The following SEMA3D variants were observed in gnomAD, a reference collection of about 807,000 sequenced individuals.
SEMA3D encodes the protein semaphorin 3D.
In SEMA3D, 84 loss-of-function variants were observed where a neutral mutation model predicts 100.1. The observed-to-expected ratio is 0.84, with a 90% CI of 0.70 to 1.01. The LOEUF (loss-of-function observed/expected upper bound fraction) is 1.01, where lower values mean the gene tolerates loss of function less well. Among genes scored for constraint, SEMA3D ranks in the 50% least tolerant of loss-of-function variants. The pLI is 0.00. For synonymous variants in SEMA3D, 312 were observed against 320.7 expected (o/e 0.97, Z 0.29); for missense variants, 875 against 934.1 (o/e 0.94, Z 0.82).
At chr7:85,100,552 T>C (rs1788713921) in intron 3 of SEMA3D, among the ~76,000 whole-genome samples, 1 of 151,908 alleles carries the variant, frequency 6.6e-6, no homozygotes, top group Admixed American at 6.6e-5. Flanking sequence ...TATTTAAAAG[T>C]AGCCTATTAT....
At chr7:85,195,736 C>CT in the SEMA3D span, among the ~76,000 whole-genome samples, 1 of 152,092 alleles carries the variant, frequency 6.6e-6, no homozygotes, top group Non-Finnish European at 1.5e-5. Flanking sequence ...CTTCTTAACT[C>CT]TTTTTTTATG....
At chr7:85,041,642 A>C (rs1343479288) in intron 10 of SEMA3D, 3 of 152,384 alleles carry the variant, frequency 2.0e-5, no homozygotes, top group Middle Eastern at 3.2e-3. Flanking sequence ...CATTATACAT[A>C]AACAAAAAAG....
the SEMA3D span, among the ~76,000 whole-genome samples, chr7:85,192,092 C>T: frequency 1.3e-5 from 2 of 151,924 alleles, no homozygotes; most frequent in Non-Finnish European, 2.9e-5. Flanking sequence ...CTCCTTTTGC[C>T]CTACTTTACT....
At chr7:85,027,890 C>T (rs1279950513) in intron 12 of SEMA3D, 2 of 574,232 alleles carry the variant, frequency 3.5e-6, no homozygotes, top group Admixed American at 4.1e-5. Flanking sequence ...TGGGTGTTTT[C>T]CAGCAAGGAA....
intron 1 of SEMA3D, among the ~76,000 whole-genome samples, chr7:85,179,043 C>T (rs1791322150): frequency 6.6e-6 from 1 of 152,176 alleles, no homozygotes; most frequent in Non-Finnish European, 1.5e-5. Flanking sequence ...GGAAACTCTG[C>T]CTAGATTTCA....
Position 84,999,596 on chromosome 7 carries a change from G to A in SEMA3D, c.2178C>T (p.Ser726=). The change falls in exon 19 of 19, where the codon AGC becomes AGT. Residue 726 remains serine, a synonymous_variant. Transcript: ENST00000284136. ...YIQILSSPNF[S]LDQYCEQMWH... is the part of the protein sequence containing the mutation. ...ACATCTGTTCGCAGTACTGGTCGAG[G>A]CTGAAGTTTGGGCTGCTAAGGATTT... 5 of 1,614,060 alleles carry A rather than the reference G, an allele frequency of 3.1e-6. No individual in the cohort carries two copies. The highest frequency in any genetic ancestry group is 4.2e-6 in the Non-Finnish European group (5 of 1,180,024).
At chr7:85,186,287 G>C (rs1378895696) in intron 1 of SEMA3D, among the ~76,000 whole-genome samples, 1 of 152,158 alleles carries the variant, frequency 6.6e-6, no homozygotes, top group African/African-American at 2.4e-5. Flanking sequence ...ATTCATAGAC[G>C]CTCTCTGCTG....
At chr7:85,158,567 T>C (rs1790660751) in intron 1 of SEMA3D, among the ~76,000 whole-genome samples, 1 of 152,228 alleles carries the variant, frequency 6.6e-6, no homozygotes, top group Admixed American at 6.5e-5. Flanking sequence ...AATTTTGCCC[T>C]GGTCCTGTGG....
At chr7:85,120,844 G>T (rs1304002246) in intron 3 of SEMA3D, among the ~76,000 whole-genome samples, 1 of 151,900 alleles carries the variant, frequency 6.6e-6, no homozygotes, top group East Asian at 1.9e-4. Flanking sequence ...ATAAATTATT[G>T]TTTAACTCTT....
intron 1 of SEMA3D, among the ~76,000 whole-genome samples, chr7:85,154,584 T>C (rs1790527729): frequency 6.6e-6 from 1 of 152,124 alleles, no homozygotes; most frequent in Non-Finnish European, 1.5e-5. Flanking sequence ...CTTGCACAGT[T>C]TGTGACTTTT....
the SEMA3D span, among the ~76,000 whole-genome samples, chr7:85,241,423 C>G: frequency 9.2e-5 from 13 of 140,778 alleles, no homozygotes; most frequent in African/African-American, 3.6e-4. Context: ...GGAACCAACC[C>G]AAATGCCCAT....
intron 1 of SEMA3D, among the ~76,000 whole-genome samples, chr7:85,172,016 A>G (rs1288110053): frequency 6.6e-6 from 1 of 151,670 alleles, no homozygotes; most frequent in African/African-American, 2.4e-5. Flanking sequence ...AGAGAGACAC[A>G]CATACATATA....
At chr7:85,108,302 G>A (rs1014286310) in intron 3 of SEMA3D, among the ~76,000 whole-genome samples, 1 of 151,824 alleles carries the variant, frequency 6.6e-6, no homozygotes, top group Non-Finnish European at 1.5e-5. Flanking sequence ...GTTTGCCTTG[G>A]TTTATCTACC....
intron 1 of SEMA3D, among the ~76,000 whole-genome samples, chr7:85,183,470 G>A (rs1791455111): frequency 6.6e-6 from 1 of 152,180 alleles, no homozygotes; most frequent in Non-Finnish European, 1.5e-5. Flanking sequence ...GGAAACAGTA[G>A]AAGATATGCT....
chr7:85,037,133 T>C (rs2115956714), intron 11 of SEMA3D, 100 bp from the exon 12 acceptor site: 1 of 1,165,502 alleles, frequency 8.6e-7, no homozygotes, highest in Non-Finnish European at 1.2e-6. Context: ...AAAATTTACT[T>C]AGCACATTAA....
At chr7:85,156,964 G>A (rs1021148779) in intron 1 of SEMA3D, among the ~76,000 whole-genome samples, 29 of 152,160 alleles carry the variant, frequency 1.9e-4, no homozygotes, top group African/African-American at 7.0e-4. Flanking sequence ...TGGCACTACA[G>A]TGCCCAAATG....
chr7:85,144,729 GTATGA>G, intron 2 of SEMA3D: 1 of 942,636 alleles, frequency 1.1e-6, no homozygotes, highest in Non-Finnish European at 1.3e-6. Context: ...CTTGCCTCTA[GTATGA>G]TATGTCTGAA....
chr7:85,199,959 C>A, the SEMA3D span, among the ~76,000 whole-genome samples: 1 of 152,278 alleles, frequency 6.6e-6, no homozygotes, highest in Admixed American at 6.5e-5. Context: ...AGTTCCCCTG[C>A]ACAAACTCTC....
intron 5 of SEMA3D, among the ~76,000 whole-genome samples, chr7:85,076,276 A>G (rs926316770): frequency 1.3e-5 from 2 of 152,152 alleles, no homozygotes; most frequent in Non-Finnish European, 2.9e-5. Flanking sequence ...GGGGGAGAAG[A>G]AGAGAGAAAG....
Sources: gnomAD v4.1 joint callset for allele counts (sites outside exome capture counted in the v4.1 genomes callset) on GRCh38, gnomAD v4.1.1 for gene constraint, MANE v1.5 for transcripts, NCBI Gene and HGNC (gene_info 2026-07-23, HGNC 2026-07-21) for gene names.